Variants in PGAP1 observed in about 807,000 individuals in gnomAD.
PGAP1 encodes the protein post-GPI attachment to proteins inositol deacylase 1.
PGAP1 carries 76 observed loss-of-function variants against 127.0 expected under a neutral mutation model. That is an observed-to-expected ratio of 0.60 (90% CI 0.50 to 0.72). The LOEUF is 0.72. PGAP1 is among the 30% of genes least tolerant of loss of function. PGAP1 has a pLI of 0.00. For synonymous variants in PGAP1, 362 were observed against 366.5 expected (o/e 0.99, Z 0.14); for missense variants, 982 against 1,071.3 (o/e 0.92, Z 1.16).
At chr2:196,842,919 C>A in intron 25 of PGAP1, 94 bp from the exon 26 acceptor site, 1 of 531,584 alleles carries the variant, frequency 1.9e-6, no homozygotes, top group East Asian at 3.4e-5. Context: ...AAAGACATTC[C>A]AGTAGCAATA....
chr2:196,891,118 G>A (rs907728488), intron 9 of PGAP1, among the ~76,000 whole-genome samples: 3 of 152,178 alleles, frequency 2.0e-5, no homozygotes, highest in African/African-American at 7.2e-5. Flanking sequence ...AGTTTGTCCT[G>A]GAAGTATCAG....
intron 20 of PGAP1, among the ~76,000 whole-genome samples, chr2:196,864,485 C>G (rs1036900310): frequency 1.3e-5 from 2 of 151,286 alleles, no homozygotes; most frequent in African/African-American, 4.9e-5. Flanking sequence ...TGTTTTGCCC[C>G]TTTTTACGTC....
At position 196,905,436 on chromosome 2, in the gene PGAP1, C is replaced by G. The variant is rs114666238; in HGVS notation, c.650-2694G>C. Among the ~76,000 whole-genome samples, 995 of 152,142 alleles carry G rather than the reference C, an allele frequency of 6.5e-3. 6 individuals are homozygous for G. Among genetic ancestry groups the G allele is most frequent in the African/African-American group, 0.023 (940 of 41,504 alleles). Reference sequence around the variant, plus strand: ...GTTTTAAATGTACCAACAGAAAAACCGGGCCTCATAATAATTACTGTTGCA... The same window carrying G: ...GTTTTAAATGTACCAACAGAAAAACGGGGCCTCATAATAATTACTGTTGCA... On this transcript the variant is annotated intron_variant, in intron 4 of 26. Coordinates refer to ENST00000354764, the MANE Select transcript of PGAP1 (RefSeq NM_024989.4).
chr2:196,916,530 T>C lies in PGAP1; in HGVS notation c.365A>G (p.Asp122Gly). The C allele has an allele frequency of 6.2e-7, 1 of 1,613,536 alleles. No individual in the cohort carries two copies. Among genetic ancestry groups the C allele is most frequent in the Non-Finnish European group, 8.5e-7 (1 of 1,179,750 alleles). The change falls in exon 3 of 27, where the codon GAC becomes GGC. Residue 122 changes from aspartate to glycine, a missense_variant. Coordinates refer to ENST00000354764, the MANE Select transcript of PGAP1 (RefSeq NM_024989.4). ...AEDIDFKYHF[D>G]FFSVNFNEEL... ...TTCATTGAAGTTCACACTAAAGAAG[T>C]CAAAGTGGTACTTGAAGTCAATGTC...
At chr2:196,889,791 G>A (rs1342572225) in intron 10 of PGAP1, among the ~76,000 whole-genome samples, 1 of 150,294 alleles carries the variant, frequency 6.7e-6, no homozygotes, top group Non-Finnish European at 1.5e-5. Flanking sequence ...CCCGGGAGGT[G>A]GAGCTTGCAG....
At chr2:196,842,355 C>G (rs573754745) in intron 26 of PGAP1, among the ~76,000 whole-genome samples, 3 of 152,028 alleles carry the variant, frequency 2.0e-5, no homozygotes, top group Non-Finnish European at 4.4e-5. Flanking sequence ...TTTGAAACTA[C>G]AAAAGTAGAC....
intron 20 of PGAP1, among the ~76,000 whole-genome samples, chr2:196,849,800 C>T (rs1224215011): frequency 6.6e-6 from 1 of 152,114 alleles, no homozygotes; most frequent in Non-Finnish European, 1.5e-5. Context: ...TTCCCTGCTC[C>T]TGCATCCCTT....
At chr2:196,861,241 G>A (rs1158060120) in intron 20 of PGAP1, among the ~76,000 whole-genome samples, 1 of 152,078 alleles carries the variant, frequency 6.6e-6, no homozygotes, top group East Asian at 1.9e-4. Flanking sequence ...AGAATATATT[G>A]GAGAAATGCT....
chr2:196,862,518 A>G (rs1175438217), intron 20 of PGAP1, among the ~76,000 whole-genome samples: 2 of 152,102 alleles, frequency 1.3e-5, no homozygotes, highest in Non-Finnish European at 2.9e-5. Flanking sequence ...TTTGTGACCG[A>G]CACCCTATTC....
At chr2:196,891,288 T>C (rs558132526) in intron 9 of PGAP1, among the ~76,000 whole-genome samples, 2 of 152,238 alleles carry the variant, frequency 1.3e-5, no homozygotes, top group South Asian at 4.1e-4. Flanking sequence ...AGATACCACT[T>C]CCCAAAGAAA....
chr2:196,924,611 C>T (rs985712124), intron 1 of PGAP1, among the ~76,000 whole-genome samples: 1 of 152,176 alleles, frequency 6.6e-6, no homozygotes, highest in African/African-American at 2.4e-5. Flanking sequence ...TCAAAAACTT[C>T]TGCCACTGTG....
At chr2:196,883,443 A>G (rs1701795815) in intron 12 of PGAP1, among the ~76,000 whole-genome samples, 1 of 152,224 alleles carries the variant, frequency 6.6e-6, no homozygotes, top group Non-Finnish European at 1.5e-5. Context: ...CATATGTTCT[A>G]ATGTAAATTA....
At chr2:196,894,261 T>C (rs1576167500) in intron 7 of PGAP1, among the ~76,000 whole-genome samples, 2 of 152,238 alleles carry the variant, frequency 1.3e-5, no homozygotes, top group South Asian at 2.1e-4. Flanking sequence ...TGAACTCTTT[T>C]GGTCCCTTCA....
intron 4 of PGAP1, among the ~76,000 whole-genome samples, chr2:196,911,908 T>C (rs1702835985): frequency 6.6e-6 from 1 of 152,222 alleles, no homozygotes; most frequent in South Asian, 2.1e-4. Flanking sequence ...TTATTTCCTA[T>C]GTTAATGTAC....
rs559819667 is a variant in PGAP1 at position 196,915,456 on chromosome 2, T to G, written c.477+962A>C. Among the ~76,000 whole-genome samples, 5 of 152,328 alleles carry G rather than the reference T, an allele frequency of 3.3e-5. No homozygotes were observed. The South Asian group carries it at 6.2e-4, about 19-fold the overall frequency. ...ATGTGCATCTCAAACTGGATCTATC[T>G]AAAACTAAACTCTTAATCTCCTCCA... On this transcript the variant is annotated intron_variant, in intron 3 of 26. Coordinates refer to ENST00000354764, the MANE Select transcript of PGAP1 (RefSeq NM_024989.4).
intron 19 of PGAP1, among the ~76,000 whole-genome samples, chr2:196,868,300 G>T (rs983141834): frequency 5.3e-5 from 8 of 152,136 alleles, no homozygotes; most frequent in African/African-American, 9.7e-5. Context: ...TTAGAATATT[G>T]TAAGAGGTCC....
intron 19 of PGAP1, among the ~76,000 whole-genome samples, chr2:196,866,886 T>C (rs1701260330): frequency 6.6e-6 from 1 of 151,678 alleles, no homozygotes; most frequent in Admixed American, 6.6e-5. Flanking sequence ...GTATGTTTTT[T>C]TCAACATCGT....
intron 14 of PGAP1, chr2:196,873,989 T>C: frequency 2.6e-6 from 1 of 380,314 alleles, no homozygotes; most frequent in Middle Eastern, 7.6e-4. Context: ...GTCAGGTATA[T>C]AATTCCAATT....
intron 1 of PGAP1, among the ~76,000 whole-genome samples, chr2:196,921,503 AAAGAAAACAT>A (rs1703190981): frequency 6.6e-6 from 1 of 152,170 alleles, no homozygotes; most frequent in South Asian, 2.1e-4. Flanking sequence ...AATTAAATAA[AAAGAAAACAT>A]AAGAGAACAA....
Sources: gnomAD v4.1 joint callset for allele counts (sites outside exome capture counted in the v4.1 genomes callset) on GRCh38, gnomAD v4.1.1 for gene constraint, MANE v1.5 for transcripts, NCBI Gene and HGNC (gene_info 2026-07-23, HGNC 2026-07-21) for gene names.